The following PIGK variants were observed in gnomAD, a reference collection of about 807,000 sequenced individuals.
The protein encoded by PIGK is GPI-anchor transamidase.
A neutral mutation model predicts 50.6 loss-of-function variants in PIGK; 42 were observed. The ratio of observed to expected loss-of-function variants is 0.83; its 90% confidence interval spans 0.65 to 1.07. PIGK has a LOEUF of 1.07. PIGK is among the 50% of genes least tolerant of loss of function. PIGK has a pLI of 0.00. For synonymous variants in PIGK, 151 were observed against 156.0 expected (o/e 0.97, Z 0.24); for missense variants, 448 against 488.7 (o/e 0.92, Z 0.78).
rs796971102 is a variant in PIGK at position 77,171,219 on chromosome 1, G to A, written c.240-1824C>T. Among the ~76,000 whole-genome samples the A allele has an allele frequency of 1.1e-4, 17 of 151,780 alleles. No individual in the cohort carries two copies. In the East Asian group the frequency reaches 2.7e-3, roughly 24 times the overall value. ...TGGGAGGCTGAGGCGGGCGGATCAC[G>A]AGGTCAGGAGATCGAGACCATCCTG... On this transcript the variant is annotated intron_variant, in intron 3 of 10. Coordinates refer to ENST00000370812, the MANE Select transcript of PIGK (RefSeq NM_005482.3).
At position 77,183,223 on chromosome 1, in the gene PIGK, C is replaced by G. The variant is rs116297464; in HGVS notation, c.240-13828G>C. Among the ~76,000 whole-genome samples the G allele has an allele frequency of 4.0e-3, 608 of 152,274 alleles. 5 individuals carry two copies. Among genetic ancestry groups the G allele is most frequent in the African/African-American group, 0.014 (588 of 41,536 alleles). On this transcript the variant is annotated intron_variant, in intron 3 of 10. Transcript: ENST00000370812. ...TTGGAATGGGAACATATGGAGGACC[C>G]AGATGAAGCTGGGGTCACTGAGTTT...
chr1:77,139,202 C>T (rs932218483), intron 9 of PIGK, among the ~76,000 whole-genome samples: 29 of 152,032 alleles, frequency 1.9e-4, no homozygotes, highest in Non-Finnish European at 3.7e-4. Flanking sequence ...CACATTCATT[C>T]GGCACTTGAG....
chr1:77,166,928 A>G, intron 4 of PIGK, 98 bp from the exon 5 acceptor site: 1 of 674,534 alleles, frequency 1.5e-6, no homozygotes, highest in Non-Finnish European at 2.6e-6. Flanking sequence ...TTCTTTCTCC[A>G]TATATTACTC....
chr1:77,179,158 T>C (rs117685052), intron 3 of PIGK, among the ~76,000 whole-genome samples: 1 of 152,310 alleles, frequency 6.6e-6, no homozygotes, highest in East Asian at 1.9e-4. Context: ...CATCAGGAGG[T>C]ACCCTCTACT....
chr1:77,138,641 T>C (rs926457947), intron 9 of PIGK, among the ~76,000 whole-genome samples: 2 of 152,232 alleles, frequency 1.3e-5, no homozygotes, highest in Non-Finnish European at 1.5e-5. Context: ...CTTGCACTGC[T>C]GAGTTTGTGG....
chr1:77,163,962 A>G lies in PIGK; in HGVS notation c.488-20T>C, dbSNP rs1557811019. ...CATGCCCTTGTATAAAGAGTAAAAA[A>G]GATCAATAGATTTTTTAATGCAAAC... On this transcript the variant is annotated intron_variant, in intron 5 of 10. Transcript: ENST00000370812. The G allele has an allele frequency of 1.4e-6, 2 of 1,389,882 alleles. No homozygotes were observed. Among genetic ancestry groups the G allele is most frequent in the Non-Finnish European group, 2.0e-6 (2 of 991,762 alleles). The allele number at this position is 1,389,882 out of a possible 1,614,324, so 86.1% of individuals were successfully genotyped here. A position where few individuals can be genotyped will look rare whatever the true frequency, so the allele number is the denominator to read the frequency against.
At position 77,154,557 on chromosome 1, in the gene PIGK, C is replaced by G. The variant is rs781421012; in HGVS notation, c.878G>C (p.Arg293Thr). Residue 293 changes from arginine to threonine, a missense_variant, in exon 9 of 11, where the codon AGG becomes ACG. Arg to Thr is a moderately conservative substitution (Grantham distance 71, BLOSUM62 -1). Transcript: ENST00000370812. ...TPGHRTDLFQRDPKNVLITDF... is the reference protein window; with the variant it reads ...TPGHRTDLFQTDPKNVLITDF... ...AGTTATCAGTACATTTTTAGGATCC[C>G]TCTGAAAAAGATCAGTGCGATGTCC... 1 of 1,612,680 alleles carries G rather than the reference C, an allele frequency of 6.2e-7. No homozygotes were observed. Among genetic ancestry groups the G allele is most frequent in the South Asian group, 1.1e-5 (1 of 91,026 alleles).
At chr1:77,137,765 G>A (rs574191297) in intron 9 of PIGK, among the ~76,000 whole-genome samples, 54 of 151,944 alleles carry the variant, frequency 3.6e-4, no homozygotes, top group Middle Eastern at 3.4e-3. Context: ...CACCACACCC[G>A]GCTAATTTTT....
intron 3 of PIGK, chr1:77,195,405 G>C: frequency 4.6e-6 from 5 of 1,094,706 alleles, no homozygotes; most frequent in Non-Finnish European, 6.5e-6. Context: ...AGGAGTGAGA[G>C]CTTAGGGTGC....
intron 3 of PIGK, among the ~76,000 whole-genome samples, chr1:77,200,449 C>A (rs540792243): frequency 1.1e-4 from 17 of 152,086 alleles, no homozygotes; most frequent in African/African-American, 3.9e-4. Context: ...AACATATACA[C>A]ATTTTAGAAT....
intron 10 of PIGK, among the ~76,000 whole-genome samples, chr1:77,118,643 G>A (rs551293341): frequency 3.2e-4 from 49 of 152,150 alleles, no homozygotes; most frequent in Non-Finnish European, 5.6e-4. Context: ...CTATTGGAAT[G>A]TACTTTTCCA....
At chr1:77,096,881 C>CTT (rs141858558) in intron 10 of PIGK, among the ~76,000 whole-genome samples, 20,546 of 123,656 alleles carry the variant, frequency 0.17, 1,702 homozygotes, top group Non-Finnish European at 0.22. Context: ...TCGGGTTTTT[C>CTT]TTTTTTTTTT....
chr1:77,208,374 A>G (rs1164262784), intron 2 of PIGK, among the ~76,000 whole-genome samples: 1 of 152,184 alleles, frequency 6.6e-6, no homozygotes, highest in Non-Finnish European at 1.5e-5. Context: ...ATTTTTTACC[A>G]GGTTACTGAA....
intron 10 of PIGK, among the ~76,000 whole-genome samples, chr1:77,119,102 G>A (rs1010584582): frequency 6.6e-6 from 1 of 151,912 alleles, no homozygotes; most frequent in Non-Finnish European, 1.5e-5. Context: ...TCTGATATCC[G>A]GTAAAACCAG....
rs954369992 is a variant in PIGK at position 77,089,560 on chromosome 1, A to G, written c.*2814T>C. 1 of 152,668 alleles carries G rather than the reference A, an allele frequency of 6.6e-6. No individual in the cohort carries two copies. Among genetic ancestry groups the G allele is most frequent in the African/African-American group, 2.4e-5 (1 of 41,448 alleles). 9.5% of individuals were successfully genotyped at this position (152,668 alleles called of 1,614,324 possible). On this transcript the variant is annotated 3_prime_UTR_variant, in exon 11 of 11. Transcript: ENST00000370812. The stretch of plus-strand genomic sequence containing the variant: ...TGTAACTCTGGTATACAACATACAT[A>G]ATGGAAGAAATGTTATCAATATATA...
At chr1:77,130,551 T>C (rs1450058722) in intron 9 of PIGK, among the ~76,000 whole-genome samples, 1 of 152,110 alleles carries the variant, frequency 6.6e-6, no homozygotes, top group Admixed American at 6.6e-5. Flanking sequence ...CTTTATAATA[T>C]GTTGTATATT....
In PIGK at chr1:77,092,353, A is replaced by T; in HGVS notation, c.*21T>A. ...TATCCAAGTTTGCAGTCCTCCATGC[A>T]TTCTTCATTCATCATCAAGTCTAAA... is the stretch of plus-strand genomic sequence containing the variant. On this transcript the variant is annotated 3_prime_UTR_variant, in exon 11 of 11. Transcript: ENST00000370812. The T allele has an allele frequency of 9.5e-7, 1 of 1,047,346 alleles. No homozygotes were observed. The allele number at this position is 1,047,346 out of a possible 1,614,324, so 64.9% of individuals were successfully genotyped here. A position where few individuals can be genotyped will look rare whatever the true frequency, so the allele number is the denominator to read the frequency against.
At chr1:77,190,400 C>CA (rs1053376196) in intron 3 of PIGK, among the ~76,000 whole-genome samples, 31 of 150,004 alleles carry the variant, frequency 2.1e-4, no homozygotes, top group East Asian at 1.8e-3. Context: ...GACCTTGTCT[C>CA]AAAAAAAAGA....
intron 9 of PIGK, among the ~76,000 whole-genome samples, chr1:77,139,931 T>C (rs575468384): frequency 2.6e-4 from 39 of 152,334 alleles, no homozygotes; most frequent in African/African-American, 9.1e-4. Context: ...AAGTGAAATG[T>C]TGTATCTCAT....
Sources: allele counts gnomAD v4.1 joint callset (sites outside exome capture counted in the v4.1 genomes callset), GRCh38; gene constraint gnomAD v4.1.1; transcripts MANE v1.5; gene names NCBI Gene and HGNC (gene_info 2026-07-23, HGNC 2026-07-21).